CERT1: variants seen among roughly 807,000 people sequenced by gnomAD.
CERT1 encodes ceramide transfer protein.
In CERT1, 31 loss-of-function variants were observed where a neutral mutation model predicts 87.9. The ratio of observed to expected loss-of-function variants is 0.35; its 90% CI spans 0.27 to 0.48. CERT1 has a LOEUF of 0.48. Ranked by LOEUF, CERT1 falls within the 20% of genes least tolerant of loss-of-function variation. CERT1 has a pLI of 0.99. For synonymous variants in CERT1, 289 were observed against 250.9 expected, an observed-to-expected ratio of 1.15 and a Z score of -1.44; for missense variants, 487 against 758.0, an observed-to-expected ratio of 0.64 and a Z score of 4.20.
intron 17 of CERT1, chr5:75,372,385 G>A (rs1056671623): frequency 6.6e-6 from 1 of 151,408 alleles, no homozygotes; most frequent in Non-Finnish European, 1.5e-5. Context: ...CACATTTGAG[G>A]TATAAATTTT....
intron 3 of CERT1, among the ~76,000 whole-genome samples, chr5:75,457,218 G>T (rs1765021275): frequency 6.6e-6 from 1 of 152,180 alleles, no homozygotes; most frequent in African/African-American, 2.4e-5. Flanking sequence ...ATTTAGTTGA[G>T]ACTCCAAGTC....
intron 3 of CERT1, among the ~76,000 whole-genome samples, chr5:75,447,445 AATTTATTTATTT>A (rs376050463): frequency 5.4e-5 from 8 of 148,924 alleles, no homozygotes; most frequent in Admixed American, 2.0e-4. Flanking sequence ...TTTTAAAAAA[AATTTATTTATTT>A]ATTTATTTAT....
chr5:75,480,858 T>C (rs1051137873), intron 2 of CERT1, among the ~76,000 whole-genome samples: 4 of 152,186 alleles, frequency 2.6e-5, no homozygotes, highest in African/African-American at 9.6e-5. Context: ...CCAAGTGCTT[T>C]TCGTAATCTC....
At chr5:75,376,678 C>T (rs1343808779), downstream of CERT1, 3 of 152,064 alleles carry the variant, frequency 2.0e-5, no homozygotes, top group African/African-American at 7.2e-5. Flanking sequence ...AGAGAGAATC[C>T]CTAAAGGGTA....
At position 75,508,949 on chromosome 5, in the gene CERT1, G is replaced by A. The variant is rs1767786359; in HGVS notation, c.96+2163C>T. Among the ~76,000 whole-genome samples the A allele has an allele frequency of 4.6e-5, 7 of 152,020 alleles. No individual in the cohort carries two copies. In the South Asian group the frequency reaches 1.5e-3, roughly 32 times the overall value. On this transcript the variant is annotated intron_variant, in intron 1 of 16. Coordinates refer to ENST00000643780, the MANE Select transcript of CERT1 (RefSeq NM_001379029.1). ...GTGCTCTCAAGTCCTACTAAGGCAT[G>A]CATCTTTTCCCCACCATGATCCATC...
At chr5:75,460,514 T>A (rs1469973487) in intron 2 of CERT1, among the ~76,000 whole-genome samples, 1 of 152,222 alleles carries the variant, frequency 6.6e-6, no homozygotes, top group Non-Finnish European at 1.5e-5. Flanking sequence ...ATCCTTGTTT[T>A]TAATCTCAAT....
At chr5:75,370,741 C>T (rs1316993500) in intron 17 of CERT1, 2 of 152,078 alleles carry the variant, frequency 1.3e-5, no homozygotes, top group African/African-American at 2.4e-5. Context: ...CATCTGAGGT[C>T]AGGAGTTTGA....
At chr5:75,369,209 C>T (rs1452201182) in intron 17 of CERT1, 2 of 152,214 alleles carry the variant, frequency 1.3e-5, no homozygotes, top group African/African-American at 4.8e-5. Flanking sequence ...AGCCGCTGCC[C>T]CCGGCTGAAA....
At chr5:75,479,554 C>T (rs942654783) in intron 2 of CERT1, among the ~76,000 whole-genome samples, 7 of 152,156 alleles carry the variant, frequency 4.6e-5, no homozygotes, top group African/African-American at 1.7e-4. Context: ...TGGTACTCTT[C>T]CTGCATTACT....
chr5:75,402,870 G>A (rs1036457807), intron 9 of CERT1, 102 bp downstream of exon 9: 5 of 669,816 alleles, frequency 7.5e-6, no homozygotes, highest in Middle Eastern at 3.1e-4. Flanking sequence ...AGGTTATTAA[G>A]TTCACAATGT....
intron 11 of CERT1, among the ~76,000 whole-genome samples, chr5:75,393,691 C>G (rs1762125875): frequency 1.3e-5 from 2 of 148,338 alleles, no homozygotes; most frequent in South Asian, 4.2e-4. Context: ...GTTGGCCAGG[C>G]AGGGTGGCTC....
At chr5:75,466,470 C>T (rs755474509) in intron 2 of CERT1, among the ~76,000 whole-genome samples, 3 of 152,146 alleles carry the variant, frequency 2.0e-5, no homozygotes, top group Non-Finnish European at 2.9e-5. Context: ...ATAAGATACA[C>T]GAGCTATAAT....
At chr5:75,393,853 T>C (rs1561229979) in intron 11 of CERT1, among the ~76,000 whole-genome samples, 1 of 151,696 alleles carries the variant, frequency 6.6e-6, no homozygotes, top group African/African-American at 2.4e-5. Context: ...TAGTCCCAGA[T>C]ACTCAGGAGT....
At chr5:75,447,531 C>T (rs1053112474) in intron 3 of CERT1, among the ~76,000 whole-genome samples, 13 of 151,368 alleles carry the variant, frequency 8.6e-5, no homozygotes, top group South Asian at 2.1e-4. Context: ...AGTGCAGTGG[C>T]GCGATCTTGG....
intron 5 of CERT1, among the ~76,000 whole-genome samples, chr5:75,421,959 C>T (rs747180009): frequency 6.6e-6 from 1 of 151,918 alleles, no homozygotes; most frequent in African/African-American, 2.4e-5. Flanking sequence ...ATTTGTTTTC[C>T]CCTTTCTGCT....
Position 75,455,754 on chromosome 5 carries a change from A to C in CERT1, c.348+3311T>G, listed in dbSNP as rs908509591. Among the ~76,000 whole-genome samples, 6 of 152,212 alleles carry C rather than the reference A, an allele frequency of 3.9e-5. No homozygotes were observed. In the South Asian group the frequency reaches 1.2e-3, roughly 32 times the overall value. The stretch of plus-strand genomic sequence containing the variant: ...AGGTTAGCTCATGGGAATTGTTCAT[A>C]AACAGTCCGTTTACTAATGGTAACA... On this transcript the variant is annotated intron_variant, in intron 3 of 16. Transcript: ENST00000643780.
At chr5:75,510,365 A>T (rs1293711701) in intron 1 of CERT1, among the ~76,000 whole-genome samples, 1 of 152,194 alleles carries the variant, frequency 6.6e-6, no homozygotes, top group Non-Finnish European at 1.5e-5. Flanking sequence ...GCTTTGCTAA[A>T]ATTTTGATAC....
chr5:75,457,588 T>C (rs1318814605), intron 3 of CERT1, among the ~76,000 whole-genome samples: 4 of 152,002 alleles, frequency 2.6e-5, no homozygotes, highest in African/African-American at 9.7e-5. Flanking sequence ...AAAGTTTAAA[T>C]ATATAGTCCT....
intron 12 of CERT1, among the ~76,000 whole-genome samples, chr5:75,386,501 CAAAAACGT>C (rs760049863): frequency 3.9e-5 from 6 of 152,098 alleles, no homozygotes; most frequent in Non-Finnish European, 8.8e-5. Flanking sequence ...GCTAAGATGG[CAAAAACGT>C]AAATACAGAT....
Sources: allele counts gnomAD v4.1 joint callset (sites outside exome capture counted in the v4.1 genomes callset), GRCh38; gene constraint gnomAD v4.1.1; transcripts MANE v1.5; gene names NCBI Gene and HGNC (gene_info 2026-07-23, HGNC 2026-07-21).